Variants in TMEM108 observed in about 807,000 individuals in gnomAD.
The protein encoded by TMEM108 is transmembrane protein 108.
A neutral mutation model predicts 35.1 loss-of-function variants in TMEM108; 12 were observed. The ratio of observed to expected loss-of-function variants is 0.34; its 90% CI spans 0.22 to 0.55. The LOEUF (loss-of-function observed/expected upper bound fraction) is 0.55. Ranked by LOEUF, TMEM108 falls within the 20% of genes least tolerant of loss-of-function variation. The probability of loss-of-function intolerance (pLI) is 0.89; values close to 1 mark genes in which losing one functional copy is unlikely to be tolerated. For missense variants in TMEM108, 680 were observed against 753.3 expected (o/e 0.90, Z 1.14); for synonymous variants, 287 against 308.6 (o/e 0.93, Z 0.73).
At chr3:133,386,679 T>A (rs1229200363) in intron 4 of TMEM108, 2 of 1,398,740 alleles carry the variant, frequency 1.4e-6, no homozygotes, top group Admixed American at 3.0e-5. Context: ...AGTTGAAGCT[T>A]TTCAACTAAA....
rs912272227 is a variant in TMEM108, at chr3:133,308,268, G to A, written c.41-71484G>A. 6.6e-5 allele frequency among the ~76,000 whole-genome samples: 10 copies of A among 152,204 alleles called. No homozygotes were observed. In the East Asian group the frequency reaches 1.5e-3, roughly 23 times the overall value. ...GCTTAAGGAGATTTTGGGCTAAGAC[G>A]ATGGGGTTTTCTAAATAGACAATCA... On this transcript the variant is annotated intron_variant, in intron 3 of 5. Coordinates refer to ENST00000321871, the MANE Select transcript of TMEM108 (RefSeq NM_023943.4).
At chr3:133,323,923 G>C (rs2071297761) in intron 3 of TMEM108, among the ~76,000 whole-genome samples, 1 of 152,130 alleles carries the variant, frequency 6.6e-6, no homozygotes, top group African/African-American at 2.4e-5. Context: ...CATAAAGTCA[G>C]GAAGGGACAC....
chr3:133,292,577 C>A (rs1358625947), intron 3 of TMEM108, among the ~76,000 whole-genome samples: 1 of 152,198 alleles, frequency 6.6e-6, no homozygotes. Flanking sequence ...ATGAACAGCC[C>A]ACCCAAGTGT....
intron 2 of TMEM108, among the ~76,000 whole-genome samples, chr3:133,183,338 T>C (rs1945374932): frequency 6.6e-6 from 1 of 152,202 alleles, no homozygotes; most frequent in Non-Finnish European, 1.5e-5. Context: ...GGCATATGAT[T>C]CCTAAGTCAC....
chr3:133,046,516 G>A (rs1301666445), intron 2 of TMEM108, among the ~76,000 whole-genome samples: 1 of 152,136 alleles, frequency 6.6e-6, no homozygotes, highest in Non-Finnish European at 1.5e-5. Context: ...GTGTATAATA[G>A]CACTAGCAAA....
intron 3 of TMEM108, among the ~76,000 whole-genome samples, chr3:133,362,121 G>A (rs1278644916): frequency 6.6e-6 from 1 of 152,060 alleles, no homozygotes; most frequent in African/African-American, 2.4e-5. Flanking sequence ...GCTGTGGGGA[G>A]ATGAGGGTCA....
chr3:133,156,118 T>A (rs1944878480), intron 2 of TMEM108, among the ~76,000 whole-genome samples: 2 of 144,518 alleles, frequency 1.4e-5, no homozygotes, highest in South Asian at 4.3e-4. Context: ...GGTTTTGCTA[T>A]GTTGCCCAGG....
chr3:133,273,984 A>G (rs79876285), intron 3 of TMEM108, among the ~76,000 whole-genome samples: 121 of 152,302 alleles, frequency 7.9e-4, no homozygotes, highest in African/African-American at 2.5e-3. Flanking sequence ...CTATTTTACT[A>G]ATGAAGAAAC....
chr3:133,265,938 T>C (rs1468925256), intron 3 of TMEM108, among the ~76,000 whole-genome samples: 1 of 152,214 alleles, frequency 6.6e-6, no homozygotes, highest in Non-Finnish European at 1.5e-5. Context: ...GTCCGGTGCC[T>C]CTTATATCAA....
chr3:133,158,709 G>C (rs992839348), intron 2 of TMEM108, among the ~76,000 whole-genome samples: 1 of 152,104 alleles, frequency 6.6e-6, no homozygotes, highest in Non-Finnish European at 1.5e-5. Flanking sequence ...GAGATGTGAA[G>C]GAGCACTGTC....
intron 3 of TMEM108, among the ~76,000 whole-genome samples, chr3:133,360,676 G>T (rs1019390065): frequency 1.3e-5 from 2 of 152,172 alleles, no homozygotes; most frequent in Non-Finnish European, 2.9e-5. Context: ...CTTTTTGTGC[G>T]CTGTCTCTGA....
intron 3 of TMEM108, among the ~76,000 whole-genome samples, chr3:133,327,169 GC>G (rs1444840641): frequency 6.6e-6 from 1 of 152,150 alleles, no homozygotes; most frequent in East Asian, 1.9e-4. Context: ...GAAGAAAAAT[GC>G]CAGTCACCCA....
At chr3:133,305,042 C>T (rs1052799515) in intron 3 of TMEM108, among the ~76,000 whole-genome samples, 7 of 152,030 alleles carry the variant, frequency 4.6e-5, no homozygotes, top group African/African-American at 9.7e-5. Context: ...AAGATCGCAC[C>T]ACTGCACCCC....
In TMEM108 at chr3:133,091,016, G is replaced by A. The variant is rs113268192; in HGVS notation, c.-47+44996G>A. ...GTAAATCACTGTAAGTAAAACTATT[G>A]GGTTAAATATATACATTTTTAATAA... On this transcript the variant is annotated intron_variant, in intron 2 of 5. Coordinates refer to ENST00000321871, the MANE Select transcript of TMEM108 (RefSeq NM_023943.4). Among the ~76,000 whole-genome samples the A allele has an allele frequency of 5.8e-3, 875 of 152,068 alleles. 13 individuals carry two copies. Among genetic ancestry groups the A allele is most frequent in the African/African-American group, 0.02 (827 of 41,484 alleles).
At chr3:133,179,337 C>T (rs1945292179) in intron 2 of TMEM108, among the ~76,000 whole-genome samples, 1 of 152,156 alleles carries the variant, frequency 6.6e-6, no homozygotes, top group South Asian at 2.1e-4. Flanking sequence ...AATCATGCTG[C>T]CATAAAGACA....
intron 2 of TMEM108, among the ~76,000 whole-genome samples, chr3:133,052,345 T>A (rs1943414996): frequency 6.6e-6 from 1 of 152,248 alleles, no homozygotes; most frequent in East Asian, 1.9e-4. Context: ...TCCTGCAACC[T>A]TGTTATAATT....
At chr3:133,387,052 CA>C in intron 4 of TMEM108, 1 of 985,646 alleles carries the variant, frequency 1.0e-6, no homozygotes, top group Non-Finnish European at 1.2e-6. Context: ...AAGGTGAGAC[CA>C]CTGAAATAGT....
At chr3:133,365,246 C>A (rs1316989148) in intron 3 of TMEM108, among the ~76,000 whole-genome samples, 1 of 152,074 alleles carries the variant, frequency 6.6e-6, no homozygotes, top group Non-Finnish European at 1.5e-5. Flanking sequence ...GATGCAAAAT[C>A]TAAAAGAACC....
chr3:133,167,399 G>A (rs996387469), intron 2 of TMEM108, among the ~76,000 whole-genome samples: 40 of 152,268 alleles, frequency 2.6e-4, no homozygotes, highest in African/African-American at 9.4e-4. Context: ...CTGTGCGCCC[G>A]CACTCCTCAG....
Sources: allele counts gnomAD v4.1 joint callset (sites outside exome capture counted in the v4.1 genomes callset), GRCh38; gene constraint gnomAD v4.1.1; transcripts MANE v1.5; gene names NCBI Gene and HGNC (gene_info 2026-07-23, HGNC 2026-07-21).